Variants in RANBP2 observed in about 807,000 individuals in gnomAD.
The protein encoded by RANBP2 is E3 SUMO-protein ligase RanBP2.
RANBP2 carries 57 observed loss-of-function variants against 303.6 expected under a neutral mutation model. The ratio of observed to expected loss-of-function variants is 0.19; its 90% CI spans 0.15 to 0.23. The LOEUF is 0.23. Ranked by LOEUF, RANBP2 falls within the 10% of genes least tolerant of loss-of-function variation. The pLI is 1.00. For synonymous variants in RANBP2, 1,167 were observed against 1,301.5 expected (o/e 0.90, Z 2.23); for missense variants, 3,138 against 3,780.8 (o/e 0.83, Z 4.46).
chr2:109,631,534 T>A, the RANBP2 span, among the ~76,000 whole-genome samples: 2 of 152,124 alleles, frequency 1.3e-5, no homozygotes, highest in Admixed American at 1.3e-4. Context: ...GGTGGGCAGA[T>A]CACCTGAGGT....
the RANBP2 span, among the ~76,000 whole-genome samples, chr2:109,031,045 G>A: frequency 3.3e-5 from 5 of 152,326 alleles, no homozygotes; most frequent in Admixed American, 2.0e-4. Flanking sequence ...GTAAGACACG[G>A]AGCGCTCCAC....
chr2:109,454,573 C>T, the RANBP2 span, among the ~76,000 whole-genome samples: 1 of 152,296 alleles, frequency 6.6e-6, no homozygotes, highest in Admixed American at 6.5e-5. Context: ...TGCTGAGGTT[C>T]CCCAAGGCTC....
At chr2:108,740,832 A>T (rs1161381726) in intron 7 of RANBP2, 151 bp downstream of exon 7, 1 of 1,357,096 alleles carries the variant, frequency 7.4e-7, no homozygotes, top group Non-Finnish European at 1.0e-6. Flanking sequence ...AAAATAACTA[A>T]GCATACACAA....
chr2:109,397,280 G>A, the RANBP2 span, among the ~76,000 whole-genome samples: 10 of 149,102 alleles, frequency 6.7e-5, no homozygotes, highest in Admixed American at 6.6e-4. Flanking sequence ...GAGGGCAGCT[G>A]GCATTTACTC....
At chr2:109,170,843 G>A in the RANBP2 span, among the ~76,000 whole-genome samples, 12 of 152,324 alleles carry the variant, frequency 7.9e-5, no homozygotes, top group Admixed American at 4.6e-4. Flanking sequence ...CAGAGAGGGC[G>A]CTTTTCTCCC....
chr2:109,358,732 G>A, the RANBP2 span, among the ~76,000 whole-genome samples: 199 of 152,234 alleles, frequency 1.3e-3, no homozygotes, highest in African/African-American at 4.5e-3. Flanking sequence ...AGTCTGTAGC[G>A]TGTCTTCTCA....
chr2:108,895,681 T>A, the RANBP2 span: 1 of 152,134 alleles, frequency 6.6e-6, no homozygotes, highest in Non-Finnish European at 1.5e-5. Flanking sequence ...AATTATAGAA[T>A]CACTAACTAA....
At chr2:108,733,650 C>G (rs567267428) in intron 4 of RANBP2, among the ~76,000 whole-genome samples, 29 of 152,252 alleles carry the variant, frequency 1.9e-4, no homozygotes, top group African/African-American at 6.0e-4. Flanking sequence ...TTTCTTTACT[C>G]TCTTAGGTGT....
At chr2:109,645,524 C>T in the RANBP2 span, among the ~76,000 whole-genome samples, 7 of 152,254 alleles carry the variant, frequency 4.6e-5, no homozygotes, top group Middle Eastern at 3.4e-3. Context: ...GAAGGCTTTC[C>T]GGGGAGATGT....
At chr2:109,031,573 C>A in the RANBP2 span, among the ~76,000 whole-genome samples, 1 of 152,210 alleles carries the variant, frequency 6.6e-6, no homozygotes, top group Non-Finnish European at 1.5e-5. Flanking sequence ...TAGCGCACGG[C>A]CTGGCCCCAC....
At chr2:109,357,414 C>T in the RANBP2 span, among the ~76,000 whole-genome samples, 4 of 152,186 alleles carry the variant, frequency 2.6e-5, no homozygotes, top group Non-Finnish European at 2.9e-5. Context: ...ATCTCCTGAC[C>T]TCGTGATCCA....
chr2:108,772,595 A>G lies in RANBP2; in HGVS notation c.8113+14A>G, dbSNP rs755856001. The G allele has an allele frequency of 6.2e-7, 1 of 1,600,970 alleles. No homozygotes were observed. Among genetic ancestry groups the G allele is most frequent in the African/African-American group, 1.3e-5 (1 of 74,802 alleles). Reference sequence around the variant, plus strand: ...AAAATACAGCAGGTATGTTAAGTGTAAAGGACATTTATAATGCTTTTAACA... The same window carrying G: ...AAAATACAGCAGGTATGTTAAGTGTGAAGGACATTTATAATGCTTTTAACA... On this transcript the variant is annotated intron_variant, in intron 22 of 28. Coordinates refer to ENST00000283195, the MANE Select transcript of RANBP2 (RefSeq NM_006267.5).
At chr2:109,562,504 A>G in the RANBP2 span, among the ~76,000 whole-genome samples, 1 of 151,702 alleles carries the variant, frequency 6.6e-6, no homozygotes, top group Admixed American at 6.6e-5. Flanking sequence ...CTGAGCAGAT[A>G]GCAGACAAAC....
chr2:109,729,030 T>C, the RANBP2 span, among the ~76,000 whole-genome samples: 1 of 152,112 alleles, frequency 6.6e-6, no homozygotes, highest in African/African-American at 2.4e-5. Context: ...CATTCAGCTG[T>C]TACTAGCCTT....
the RANBP2 span, among the ~76,000 whole-genome samples, chr2:109,479,546 C>T: frequency 6.6e-6 from 1 of 152,132 alleles, no homozygotes; most frequent in African/African-American, 2.4e-5. Context: ...TGTCCAGCTT[C>T]CACCGGCCTC....
chr2:109,558,678 C>T, the RANBP2 span, among the ~76,000 whole-genome samples: 10 of 152,250 alleles, frequency 6.6e-5, no homozygotes, highest in Admixed American at 6.5e-4. Context: ...TCAGCATACC[C>T]ATTCAATAAA....
chr2:109,364,524 G>A, the RANBP2 span, among the ~76,000 whole-genome samples: 1 of 152,162 alleles, frequency 6.6e-6, no homozygotes, highest in South Asian at 2.1e-4. Context: ...TTGCCTTTCA[G>A]TATGTACTGT....
the RANBP2 span, among the ~76,000 whole-genome samples, chr2:109,165,528 C>T: frequency 2.0e-5 from 3 of 152,350 alleles, no homozygotes; most frequent in South Asian, 4.1e-4. Flanking sequence ...GACCCAGCTA[C>T]ACTTGCTCAC....
the RANBP2 span, among the ~76,000 whole-genome samples, chr2:109,211,813 T>C: frequency 6.6e-6 from 1 of 152,064 alleles, no homozygotes; most frequent in Non-Finnish European, 1.5e-5. Flanking sequence ...CAGCTATTTT[T>C]TGTATTTTTA....
Sources: gnomAD v4.1 joint callset for allele counts (sites outside exome capture counted in the v4.1 genomes callset) on GRCh38, gnomAD v4.1.1 for gene constraint, MANE v1.5 for transcripts, NCBI Gene and HGNC (gene_info 2026-07-23, HGNC 2026-07-21) for gene names.